LRRC37A2: variants seen among roughly 807,000 people sequenced by gnomAD.
LRRC37A2 encodes leucine-rich repeat-containing protein 37A2.
LRRC37A2 carries 9 observed loss-of-function variants against 68.8 expected under a neutral mutation model. That is an observed-to-expected ratio of 0.13 (90% CI 0.08 to 0.23). The LOEUF (loss-of-function observed/expected upper bound fraction) is 0.23, where lower values mean the gene tolerates loss of function less well. Among genes scored for constraint, LRRC37A2 ranks in the 10% least tolerant of loss-of-function variants. The pLI, the probability that LRRC37A2 is intolerant of heterozygous loss-of-function variation, is 1.00. For missense variants in LRRC37A2, 168 were observed against 950.4 expected, an observed-to-expected ratio of 0.18 and a Z score of 10.82; for synonymous variants, 63 against 367.6, an observed-to-expected ratio of 0.17 and a Z score of 9.48.
the LRRC37A2 span, chr17:46,755,702 C>A: frequency 7.7e-7 from 1 of 1,298,288 alleles, no homozygotes; most frequent in Non-Finnish European, 1.1e-6. Flanking sequence ...TGTAGGATAA[C>A]CATTAAGAAG....
intron 8 of LRRC37A2, among the ~76,000 whole-genome samples, chr17:46,541,887 C>T (rs1398222045): frequency 6.7e-6 from 1 of 149,748 alleles, no homozygotes; most frequent in Non-Finnish European, 1.5e-5. Flanking sequence ...CAATCCCCTG[C>T]AGACACCGAG....
the LRRC37A2 span, among the ~76,000 whole-genome samples, chr17:46,883,408 T>C: frequency 4.0e-5 from 6 of 151,072 alleles, no homozygotes; most frequent in Non-Finnish European, 7.4e-5. Context: ...CCTCAGCCTA[T>C]AGAGTAGCTG....
At chr17:46,461,882 A>G in the LRRC37A2 span, among the ~76,000 whole-genome samples, 33 of 57,470 alleles carry the variant, frequency 5.7e-4, no homozygotes, top group East Asian at 8.6e-4. Flanking sequence ...CTGTAATCCC[A>G]GCTACTCAGG....
At chr17:47,023,203 G>A in the LRRC37A2 span, among the ~76,000 whole-genome samples, 198 of 152,180 alleles carry the variant, frequency 1.3e-3, 1 homozygote, top group African/African-American at 4.5e-3. Flanking sequence ...TGAGTTTTCT[G>A]GCCTTTGTTC....
chr17:47,033,827 C>T, the LRRC37A2 span, among the ~76,000 whole-genome samples: 1 of 152,190 alleles, frequency 6.6e-6, no homozygotes, highest in Non-Finnish European at 1.5e-5. Flanking sequence ...TTCAGTTTTC[C>T]TCATCTAATA....
the LRRC37A2 span, among the ~76,000 whole-genome samples, chr17:46,731,040 A>G: frequency 6.6e-6 from 1 of 152,164 alleles, no homozygotes; most frequent in African/African-American, 2.4e-5. Flanking sequence ...CCTACAAGCA[A>G]TGAAAAACAT....
At chr17:46,963,880 A>G in the LRRC37A2 span, 1 of 152,286 alleles carries the variant, frequency 6.6e-6, no homozygotes, top group East Asian at 1.9e-4. Context: ...GCAATAGCAC[A>G]ATAAGAGCTC....
At chr17:46,818,760 A>G in the LRRC37A2 span, 3 of 738,534 alleles carry the variant, frequency 4.1e-6, no homozygotes, top group Non-Finnish European at 7.0e-6. Context: ...AGCGCGGAGC[A>G]GCCGGGTTTG....
chr17:46,633,956 C>T, the LRRC37A2 span, among the ~76,000 whole-genome samples: 2 of 52,146 alleles, frequency 3.8e-5, no homozygotes, highest in Non-Finnish European at 6.3e-5. Flanking sequence ...ACTGCAGCCT[C>T]GCCTCCCAGG....
the LRRC37A2 span, among the ~76,000 whole-genome samples, chr17:46,846,176 C>T: frequency 2.4e-4 from 37 of 152,208 alleles, no homozygotes; most frequent in Admixed American, 1.4e-3. Context: ...TCAAAGCACT[C>T]CTGCTAGTTT....
chr17:47,044,265 T>A, the LRRC37A2 span, among the ~76,000 whole-genome samples: 2 of 151,426 alleles, frequency 1.3e-5, no homozygotes, highest in African/African-American at 4.9e-5. Context: ...TTTAAAACAA[T>A]CCTGGTAACA....
chr17:46,790,103 T>A, the LRRC37A2 span, among the ~76,000 whole-genome samples: 1 of 152,058 alleles, frequency 6.6e-6, no homozygotes, highest in Non-Finnish European at 1.5e-5. Context: ...GGCGAGGCAG[T>A]CCAGAGCGAG....
At chr17:46,766,473 G>A in the LRRC37A2 span, among the ~76,000 whole-genome samples, 2 of 151,564 alleles carry the variant, frequency 1.3e-5, no homozygotes, top group African/African-American at 2.4e-5. Flanking sequence ...GGAAACTGGC[G>A]CTCCCAGGCC....
the LRRC37A2 span, among the ~76,000 whole-genome samples, chr17:46,736,616 G>GA: frequency 6.6e-6 from 1 of 151,866 alleles, no homozygotes; most frequent in Non-Finnish European, 1.5e-5. Context: ...TGATAATCAG[G>GA]AAAAAATAAA....
the LRRC37A2 span, among the ~76,000 whole-genome samples, chr17:46,491,070 A>G: frequency 2.0e-5 from 3 of 150,422 alleles, 1 homozygote; most frequent in African/African-American, 7.5e-5. Flanking sequence ...AATTTTTTGT[A>G]TTTTTTAGTA....
chr17:46,833,803 C>T, the LRRC37A2 span, among the ~76,000 whole-genome samples: 12 of 152,148 alleles, frequency 7.9e-5, no homozygotes, highest in African/African-American at 1.9e-4. Context: ...GGCTCCTGAT[C>T]GGGAGGCTTG....
chr17:46,890,027 AG>A, the LRRC37A2 span, among the ~76,000 whole-genome samples: 1 of 152,176 alleles, frequency 6.6e-6, no homozygotes, highest in Non-Finnish European at 1.5e-5. Context: ...CATCCTGAGC[AG>A]CCCCTCCCAT....
At chr17:46,915,248 T>C in the LRRC37A2 span, among the ~76,000 whole-genome samples, 1 of 152,188 alleles carries the variant, frequency 6.6e-6, no homozygotes, top group Non-Finnish European at 1.5e-5. Context: ...TTGGTGGGAA[T>C]GGCTGGAAGA....
At chr17:46,832,283 C>T in the LRRC37A2 span, among the ~76,000 whole-genome samples, 9 of 152,160 alleles carry the variant, frequency 5.9e-5, no homozygotes, top group South Asian at 2.1e-4. Context: ...GCCCCCACCC[C>T]GGGCCGGCTG....
Sources: gnomAD v4.1 joint callset for allele counts (sites outside exome capture counted in the v4.1 genomes callset) on GRCh38, gnomAD v4.1.1 for gene constraint, MANE v1.5 for transcripts, NCBI Gene and HGNC (gene_info 2026-07-23, HGNC 2026-07-21) for gene names.